SH3TC2: variants seen among roughly 807,000 people sequenced by gnomAD.
SH3TC2 encodes SH3 domain and tetratricopeptide repeats 2, also known as SH3 domain and tetratricopeptide repeat-containing protein 2.
SH3TC2 carries 87 observed loss-of-function variants against 124.5 expected under a neutral mutation model. The ratio of observed to expected loss-of-function variants is 0.70; its 90% CI spans 0.59 to 0.84. The LOEUF is 0.84. Among genes scored for constraint, SH3TC2 ranks in the 40% least tolerant of loss-of-function variants. The probability of loss-of-function intolerance (pLI) is 0.00; values close to 1 mark genes in which losing one functional copy is unlikely to be tolerated. For synonymous variants in SH3TC2, 634 were observed against 628.5 expected, an observed-to-expected ratio of 1.01 and a Z score of -0.13; for missense variants, 1,536 against 1,566.4, an observed-to-expected ratio of 0.98 and a Z score of 0.33.
intron 12 of SH3TC2, among the ~76,000 whole-genome samples, chr5:149,018,471 G>A (rs374565695): frequency 6.6e-6 from 1 of 152,156 alleles, no homozygotes; most frequent in East Asian, 1.9e-4. Context: ...ATGGCAGAAG[G>A]TGAAAAGCAC....
Position 149,063,040 on chromosome 5 carries a change from C to A in SH3TC2, c.-18G>T. 6.3e-7 allele frequency: 1 copy of A among 1,592,170 alleles called. No homozygotes were observed. The highest frequency in any genetic ancestry group is 8.6e-7 in the Non-Finnish European group (1 of 1,168,430). Reference sequence around the variant, plus strand: ...CCACCCATGTGTGTACCATCCTACCCTGGCCGAGGCCCTTGGGAACACAGG... The same window carrying A: ...CCACCCATGTGTGTACCATCCTACCATGGCCGAGGCCCTTGGGAACACAGG... On this transcript the variant is annotated 5_prime_UTR_variant, in exon 1 of 17. In the 5' UTR this introduces an upstream ATG that the reference lacks. Transcript: ENST00000515425.
At position 148,984,411 on chromosome 5, in the gene SH3TC2, C is replaced by T. The variant is rs538211212; in HGVS notation, c.*20300G>A. ...AAATACATTTTAAAAGGAACAAATG[C>T]CATATAAATACCAACTCCACTTGAC... On this transcript the variant is annotated 3_prime_UTR_variant, in exon 17 of 17. Transcript: ENST00000515425. 8.5e-5 allele frequency among the ~76,000 whole-genome samples: 13 copies of T among 152,064 alleles called. No individual in the cohort carries two copies. The highest frequency in any genetic ancestry group is 5.2e-4 in the Admixed American group (8 of 15,256).
Position 149,030,844 on chromosome 5 carries a change from G to A in SH3TC2, c.1135+710C>T, listed in dbSNP as rs182768650. 1.7e-3 allele frequency among the ~76,000 whole-genome samples: 260 copies of A among 152,310 alleles called. 2 individuals are homozygous for A. The highest frequency in any genetic ancestry group is 2.4e-3 in the Non-Finnish European group (161 of 68,042). Reference sequence around the variant, plus strand: ...GGGAGAAACAAAAATTCTTCCTCAAGTCACCATCAATGAGAAAATGTACTC... The same window carrying A: ...GGGAGAAACAAAAATTCTTCCTCAAATCACCATCAATGAGAAAATGTACTC... On this transcript the variant is annotated intron_variant, in intron 9 of 16. Coordinates refer to ENST00000515425, the MANE Select transcript of SH3TC2 (RefSeq NM_024577.4).
intron 16 of SH3TC2, 51 bp downstream of exon 16, chr5:149,006,827 AAGG>A: frequency 6.4e-7 from 1 of 1,550,738 alleles, no homozygotes; most frequent in Non-Finnish European, 8.9e-7. Context: ...TTGAGTCAGG[AAGG>A]AGAATGGTTG....
chr5:149,004,721 A>G lies in SH3TC2; in HGVS notation c.3857T>C (p.Leu1286Pro). Reference sequence around the variant, plus strand: ...ACAGGACAGCTTTCCTCAGAGGGCCAGGCCACCACCACTCAGCCACCGCGC... The same window carrying G: ...ACAGGACAGCTTTCCTCAGAGGGCCGGGCCACCACCACTCAGCCACCGCGC... ...ERARWLSGGG[L>P]AL Residue 1286 changes from leucine (L) to proline (P), a missense_variant, in exon 17 of 17, where the codon CTG becomes CCG. Leu to Pro is a moderately conservative substitution (Grantham distance 98). Coordinates refer to ENST00000515425, the MANE Select transcript of SH3TC2 (RefSeq NM_024577.4). 1.2e-6 allele frequency: 2 copies of G among 1,613,162 alleles called. No individual in the cohort carries two copies. The highest frequency in any genetic ancestry group is 1.7e-6 in the Non-Finnish European group (2 of 1,179,950).
chr5:148,994,600 ATGGTTGGTTGGTTGGTTGGTTGGT>A lies in SH3TC2; in HGVS notation c.*10087_*10110del, dbSNP rs57301725. Among the ~76,000 whole-genome samples the A allele has an allele frequency of 7.7e-4, 108 of 140,678 alleles. No homozygotes were observed. Among genetic ancestry groups the A allele is most frequent in the East Asian group, 3.6e-3 (17 of 4,658 alleles). 92.3% of individuals were successfully genotyped at this position (140,678 alleles called of 152,430 possible). A position where few individuals can be genotyped will look rare whatever the true frequency, so the allele number is the denominator to read the frequency against. ...GGTATGTGGGTGGTTGGGTGGTTAG[ATGGTTGGTTGGTTGGTTGGTTGGT>A]TGGTTGGTTGGTTGGTTGGTTGGTT... On this transcript the variant is annotated 3_prime_UTR_variant, in exon 17 of 17. Transcript: ENST00000515425.
At position 149,031,537 on chromosome 5, in the gene SH3TC2, T is replaced by G; in HGVS notation, c.1135+17A>C. Reference sequence around the variant, plus strand: ...AGGACCCCAGGCTTTTGAAGGTGTCTGAGGACCAACACTCACTGAGCCGGT... The same window carrying G: ...AGGACCCCAGGCTTTTGAAGGTGTCGGAGGACCAACACTCACTGAGCCGGT... On this transcript the variant is annotated intron_variant, in intron 9 of 16. Transcript: ENST00000515425. 1 of 1,614,102 alleles carries G rather than the reference T, an allele frequency of 6.2e-7. No homozygotes were observed. The highest frequency in any genetic ancestry group is 1.1e-5 in the South Asian group (1 of 91,080).
rs1041713702 is a variant in SH3TC2 at position 148,988,546 on chromosome 5, C to G, written c.*16165G>C. Among the ~76,000 whole-genome samples, 1 of 152,174 alleles carries G rather than the reference C, an allele frequency of 6.6e-6. No homozygotes were observed. The highest frequency in any genetic ancestry group is 6.5e-5 in the Admixed American group (1 of 15,274). The stretch of plus-strand genomic sequence containing the variant: ...ACCAGCCACCATGCTGTAAGACGGC[C>G]AAGCCACATGGAGTCGACATGGCTC... On this transcript the variant is annotated 3_prime_UTR_variant, in exon 17 of 17. Coordinates refer to ENST00000515425, the MANE Select transcript of SH3TC2 (RefSeq NM_024577.4).
At chr5:149,006,803 G>T in intron 16 of SH3TC2, 78 bp downstream of exon 16, 2 of 1,419,886 alleles carry the variant, frequency 1.4e-6, no homozygotes, top group Non-Finnish European at 2.0e-6. Flanking sequence ...CACCACAAAG[G>T]CTCCTCATTG....
rs1013911527 is a variant in SH3TC2 at position 148,988,453 on chromosome 5, C to T, written c.*16258G>A. On this transcript the variant is annotated 3_prime_UTR_variant, in exon 17 of 17. Transcript: ENST00000515425. ...CACTGTGTGACTTCTGAGGCCAGGTCATAGGAAGCTTTGCAGCTCCCCGTT... is the reference window on the plus strand; with the variant it reads ...CACTGTGTGACTTCTGAGGCCAGGTTATAGGAAGCTTTGCAGCTCCCCGTT... Among the ~76,000 whole-genome samples the T allele has an allele frequency of 2.0e-5, 3 of 152,216 alleles. No homozygotes were observed. The highest frequency in any genetic ancestry group is 4.4e-5 in the Non-Finnish European group (3 of 68,048).
chr5:149,029,328 C>T (rs930334119), intron 9 of SH3TC2, among the ~76,000 whole-genome samples: 19 of 152,312 alleles, frequency 1.2e-4, no homozygotes, highest in African/African-American at 4.6e-4. Flanking sequence ...AGCAAGGATG[C>T]ATCTGAGACT....
chr5:149,026,477 C>A, intron 12 of SH3TC2, 95 bp downstream of exon 12: 2 of 1,476,740 alleles, frequency 1.4e-6, no homozygotes, highest in East Asian at 2.3e-5. Flanking sequence ...CCCGCCTATA[C>A]CATGTACATT....
intron 14 of SH3TC2, among the ~76,000 whole-genome samples, chr5:149,009,893 A>G (rs1753755607): frequency 6.6e-6 from 1 of 152,318 alleles, no homozygotes; most frequent in African/African-American, 2.4e-5. Context: ...ATTCATCTAC[A>G]TAACCCTTTA....
intron 8 of SH3TC2, 95 bp from the exon 9 acceptor site, chr5:149,031,782 A>T: frequency 6.5e-7 from 1 of 1,548,404 alleles, no homozygotes; most frequent in Non-Finnish European, 8.8e-7. Flanking sequence ...GAGGATGCAG[A>T]AAAGTCATCA....
chr5:148,996,162 G>A lies in SH3TC2; in HGVS notation c.*8549C>T, dbSNP rs188444394. Among the ~76,000 whole-genome samples the A allele has an allele frequency of 1.1e-3, 164 of 152,128 alleles. No homozygotes were observed. The highest frequency in any genetic ancestry group is 3.5e-3 in the African/African-American group (147 of 41,492). On this transcript the variant is annotated 3_prime_UTR_variant, in exon 17 of 17. Coordinates refer to ENST00000515425, the MANE Select transcript of SH3TC2 (RefSeq NM_024577.4). ...AGCTACTCGGGAGGCTGAAGTGGGA[G>A]GATCACCCAAGCACCTGAGTCTAGA... is the stretch of plus-strand genomic sequence containing the variant.
In SH3TC2 at chr5:148,999,423, A is replaced by T. The variant is rs951602537; in HGVS notation, c.*5288T>A. Among the ~76,000 whole-genome samples, 1 of 152,172 alleles carries T rather than the reference A, an allele frequency of 6.6e-6. No homozygotes were observed. The highest frequency in any genetic ancestry group is 1.5e-5 in the Non-Finnish European group (1 of 68,014). On this transcript the variant is annotated 3_prime_UTR_variant, in exon 17 of 17. Coordinates refer to ENST00000515425, the MANE Select transcript of SH3TC2 (RefSeq NM_024577.4). ...CTAAGTATGCCCAACTCCAAAACAC[A>T]TTACATTGCCCCCACCTGAGCTGCC...
chr5:149,026,275 A>C (rs1464662479), intron 12 of SH3TC2: 2 of 427,020 alleles, frequency 4.7e-6, no homozygotes, highest in Admixed American at 7.3e-5. Flanking sequence ...AGGCACAGTT[A>C]TGAGTGTTTT....
chr5:149,023,123 G>A (rs1357405024), intron 12 of SH3TC2, among the ~76,000 whole-genome samples: 1 of 152,172 alleles, frequency 6.6e-6, no homozygotes, highest in African/African-American at 2.4e-5. Flanking sequence ...TGAATAGTCG[G>A]TCTCTGTTTG....
intron 12 of SH3TC2, among the ~76,000 whole-genome samples, chr5:149,016,645 G>A (rs571408781): frequency 1.3e-5 from 2 of 152,316 alleles, no homozygotes; most frequent in South Asian, 4.1e-4. Flanking sequence ...AAAGCCAGAC[G>A]GCTGGCGCGG....
Sources: allele counts gnomAD v4.1 joint callset (sites outside exome capture counted in the v4.1 genomes callset), GRCh38; gene constraint gnomAD v4.1.1; transcripts MANE v1.5; gene names NCBI Gene and HGNC (gene_info 2026-07-23, HGNC 2026-07-21).